Variants in IGF2BP2 observed in about 807,000 individuals in gnomAD.
IGF2BP2 encodes insulin like growth factor 2 mRNA binding protein 2.
A neutral mutation model predicts 75.8 loss-of-function variants in IGF2BP2; 17 were observed. The observed-to-expected ratio is 0.22, with a 90% CI of 0.15 to 0.34. IGF2BP2 has a LOEUF of 0.34. Ranked by LOEUF, IGF2BP2 falls within the 10% of genes least tolerant of loss-of-function variation. IGF2BP2 has a pLI of 1.00. For synonymous variants in IGF2BP2, 288 were observed against 295.6 expected (o/e 0.97, Z 0.26); for missense variants, 516 against 772.4 (o/e 0.67, Z 3.93).
chr3:185,739,301 T>C (rs1239544005), intron 2 of IGF2BP2, among the ~76,000 whole-genome samples: 3 of 152,196 alleles, frequency 2.0e-5, no homozygotes, highest in Admixed American at 1.3e-4. Context: ...TGTGTTTAAA[T>C]TGCAGGGCAT....
chr3:185,789,716 A>AACAACC (rs1441160379), intron 2 of IGF2BP2, among the ~76,000 whole-genome samples: 1 of 146,424 alleles, frequency 6.8e-6, no homozygotes, highest in East Asian at 2.0e-4. Flanking sequence ...TTCTGTTACT[A>AACAACC]ACAACCAGGA....
At chr3:185,672,034 A>G (rs1309409582) in intron 10 of IGF2BP2, among the ~76,000 whole-genome samples, 2 of 152,234 alleles carry the variant, frequency 1.3e-5, no homozygotes, top group African/African-American at 4.8e-5. Context: ...ACTAAATACC[A>G]GGCATTGTGC....
At chr3:185,752,276 C>G in intron 2 of IGF2BP2, among the ~76,000 whole-genome samples, 1 of 152,284 alleles carries the variant, frequency 6.6e-6, no homozygotes, top group East Asian at 1.9e-4. Context: ...TGTGCAGGAA[C>G]AGGCCATTGC....
chr3:185,757,727 G>A (rs943831487), intron 2 of IGF2BP2, among the ~76,000 whole-genome samples: 2 of 152,076 alleles, frequency 1.3e-5, no homozygotes, highest in African/African-American at 4.8e-5. Context: ...CTCTCGAAGT[G>A]CCGAGATTAC....
intron 10 of IGF2BP2, among the ~76,000 whole-genome samples, chr3:185,666,032 AG>A (rs1717555728): frequency 6.6e-6 from 1 of 151,852 alleles, no homozygotes; most frequent in African/African-American, 2.4e-5. Context: ...ATAGATAGAT[AG>A]ATAGATAGAT....
chr3:185,751,172 C>T (rs1439078448), intron 2 of IGF2BP2, among the ~76,000 whole-genome samples: 3 of 152,240 alleles, frequency 2.0e-5, no homozygotes, highest in Non-Finnish European at 2.9e-5. Flanking sequence ...GAGACTGCGC[C>T]ACTGCCTCCG....
chr3:185,752,650 C>T (rs1731110749), intron 2 of IGF2BP2, among the ~76,000 whole-genome samples: 1 of 151,982 alleles, frequency 6.6e-6, no homozygotes, highest in Non-Finnish European at 1.5e-5. Flanking sequence ...AGTGCAGTGG[C>T]ATGATCTTGG....
intron 2 of IGF2BP2, among the ~76,000 whole-genome samples, chr3:185,742,452 C>T (rs548085111): frequency 5.9e-5 from 9 of 151,692 alleles, no homozygotes; most frequent in Non-Finnish European, 1.3e-4. Flanking sequence ...GCCGAGATTG[C>T]GCCACTGCAC....
chr3:185,763,783 A>C (rs775108282), intron 2 of IGF2BP2, among the ~76,000 whole-genome samples: 1 of 152,242 alleles, frequency 6.6e-6, no homozygotes, highest in South Asian at 2.1e-4. Flanking sequence ...AGTGGGATTA[A>C]GAATGTTCTT....
chr3:185,722,081 A>G lies in IGF2BP2; in HGVS notation c.240-23734T>C, dbSNP rs556415570. 1.9e-3 allele frequency: 652 copies of G among 349,026 alleles called. 4 individuals carry two copies. The highest frequency in any genetic ancestry group is 5.2e-3 in the Middle Eastern group (5 of 960). The allele number at this position is 349,026 out of a possible 1,614,324, so 21.6% of individuals were successfully genotyped here. On this transcript the variant is annotated intron_variant, in intron 2 of 15. Coordinates refer to ENST00000382199, the MANE Select transcript of IGF2BP2 (RefSeq NM_006548.6). ...TTAGTCGCCTAAGTAGCATGCACCA[A>G]CCACATCTGATTTTTTTTTTCTTTT...
intron 5 of IGF2BP2, among the ~76,000 whole-genome samples, chr3:185,691,707 T>C (rs1721974345): frequency 6.6e-6 from 1 of 152,162 alleles, no homozygotes; most frequent in Non-Finnish European, 1.5e-5. Flanking sequence ...CCCAAGTAGC[T>C]GGGATTATAA....
At chr3:185,734,217 A>G (rs1204827118) in intron 2 of IGF2BP2, among the ~76,000 whole-genome samples, 2 of 152,194 alleles carry the variant, frequency 1.3e-5, no homozygotes, top group African/African-American at 4.8e-5. Flanking sequence ...TACATAGGTG[A>G]AACGTGTTCA....
At chr3:185,754,475 C>T (rs1156912760) in intron 2 of IGF2BP2, among the ~76,000 whole-genome samples, 1 of 152,106 alleles carries the variant, frequency 6.6e-6, no homozygotes, top group African/African-American at 2.4e-5. Context: ...AAAATTAGTA[C>T]TGAAGAGTGG....
intron 12 of IGF2BP2, among the ~76,000 whole-genome samples, chr3:185,655,027 T>A (rs950026898): frequency 6.6e-6 from 1 of 152,152 alleles, no homozygotes; most frequent in Non-Finnish European, 1.5e-5. Flanking sequence ...AAACTAGGGG[T>A]GGGAGAATCT....
At position 185,692,076 on chromosome 3, in the gene IGF2BP2, C is replaced by G. The variant is rs958663090; in HGVS notation, c.404+623G>C. ...GACTTGATCTCATGTCCATTAACAG[C>G]TAAGCTCAAAATTAACCATCCCTGA... is the stretch of plus-strand genomic sequence containing the variant. On this transcript the variant is annotated intron_variant, in intron 5 of 15. Coordinates refer to ENST00000382199, the MANE Select transcript of IGF2BP2 (RefSeq NM_006548.6). Among the ~76,000 whole-genome samples, 3 of 152,100 alleles carry G rather than the reference C, an allele frequency of 2.0e-5. No individual in the cohort carries two copies. In the South Asian group the frequency reaches 6.2e-4, roughly 31 times the overall value.
chr3:185,648,998 T>TA (rs1472114357), intron 14 of IGF2BP2, among the ~76,000 whole-genome samples: 13 of 151,454 alleles, frequency 8.6e-5, no homozygotes, highest in Non-Finnish European at 1.5e-5. Flanking sequence ...CCAAGTGGGT[T>TA]AGCATCTCTC....
intron 2 of IGF2BP2, among the ~76,000 whole-genome samples, chr3:185,729,376 C>T (rs970317368): frequency 2.6e-5 from 4 of 152,164 alleles, no homozygotes; most frequent in Non-Finnish European, 5.9e-5. Flanking sequence ...TAAAGTCCGC[C>T]TGTCACTGCA....
intron 5 of IGF2BP2, among the ~76,000 whole-genome samples, chr3:185,689,962 C>A (rs1259939111): frequency 1.3e-5 from 1 of 74,970 alleles, no homozygotes; most frequent in Non-Finnish European, 2.8e-5. Flanking sequence ...AGCGAGACTC[C>A]GTCTCAAAAA....
At chr3:185,705,629 A>G (rs1723918337) in intron 2 of IGF2BP2, among the ~76,000 whole-genome samples, 1 of 152,162 alleles carries the variant, frequency 6.6e-6, no homozygotes, top group Non-Finnish European at 1.5e-5. Context: ...ACAAAACTCC[A>G]TAGACTGAGG....
Sources: gnomAD v4.1 joint callset for allele counts (sites outside exome capture counted in the v4.1 genomes callset) on GRCh38, gnomAD v4.1.1 for gene constraint, MANE v1.5 for transcripts, NCBI Gene and HGNC (gene_info 2026-07-23, HGNC 2026-07-21) for gene names.